Variants in NXN observed in about 807,000 individuals in gnomAD.
The protein encoded by NXN is nucleoredoxin 1.
NXN carries 16 observed loss-of-function variants against 48.6 expected under a neutral mutation model. The observed-to-expected ratio is 0.33, with a 90% CI of 0.22 to 0.50. NXN has a LOEUF of 0.50. Ranked by LOEUF, NXN falls within the 20% of genes least tolerant of loss-of-function variation. The pLI is 0.98. For missense variants in NXN, 492 were observed against 605.5 expected (o/e 0.81, Z 1.97); for synonymous variants, 281 against 269.6 (o/e 1.04, Z -0.41).
chr17:970,785 T>C (rs2069366627), intron 1 of NXN, among the ~76,000 whole-genome samples: 1 of 152,206 alleles, frequency 6.6e-6, no homozygotes, highest in African/African-American at 2.4e-5. Flanking sequence ...TCTCCAGCTC[T>C]AACATACTTG....
intron 1 of NXN, chr17:896,856 C>CCGGGGGCGGCG: frequency 8.6e-7 from 1 of 1,156,932 alleles, no homozygotes; most frequent in Non-Finnish European, 1.1e-6. Flanking sequence ...CGGTCCTGAC[C>CCGGGGGCGGCG]ACCCGCCCCC....
intron 1 of NXN, among the ~76,000 whole-genome samples, chr17:903,672 G>GCCCTTGGCAGTATTTTTT (rs2068557144): frequency 6.6e-6 from 1 of 152,076 alleles, no homozygotes; most frequent in African/African-American, 2.4e-5. Flanking sequence ...CGTGAGCCAG[G>GCCCTTGGCAGTATTTTTT]ACACCCAGCC....
intron 7 of NXN, among the ~76,000 whole-genome samples, chr17:802,432 G>A (rs142732635): frequency 2.0e-3 from 307 of 152,354 alleles, no homozygotes; most frequent in African/African-American, 6.8e-3. Context: ...CAGCCAGAGA[G>A]CCAGGAGCGA....
At chr17:808,468 A>T (rs1483176108) in intron 5 of NXN, among the ~76,000 whole-genome samples, 1 of 151,042 alleles carries the variant, frequency 6.6e-6, no homozygotes, top group African/African-American at 2.4e-5. Context: ...ACACCCAGAT[A>T]ATTTTTAGTA....
At chr17:863,954 T>C (rs2068067417) in intron 1 of NXN, 1 of 1,533,084 alleles carries the variant, frequency 6.5e-7, no homozygotes, top group Admixed American at 2.0e-5. Flanking sequence ...CAGCAATGCC[T>C]GGGAACTGAG....
At chr17:903,531 C>A (rs534779212) in intron 1 of NXN, among the ~76,000 whole-genome samples, 1 of 152,082 alleles carries the variant, frequency 6.6e-6, no homozygotes. Flanking sequence ...TACAGGCGTG[C>A]GCTACCACAC....
chr17:823,421 T>A (rs1346821740), intron 3 of NXN, among the ~76,000 whole-genome samples: 1 of 151,086 alleles, frequency 6.6e-6, no homozygotes, highest in Non-Finnish European at 1.5e-5. Context: ...AAGAGGGCTA[T>A]CGTTATAGAT....
intron 1 of NXN, among the ~76,000 whole-genome samples, chr17:940,268 C>G (rs1431987801): frequency 2.0e-5 from 3 of 151,644 alleles, no homozygotes; most frequent in African/African-American, 2.4e-5. Context: ...CTTTCTCCCC[C>G]TTTTTGTGGA....
At chr17:820,567 G>A (rs1157357260) in intron 4 of NXN, among the ~76,000 whole-genome samples, 14 of 116,336 alleles carry the variant, frequency 1.2e-4, no homozygotes, top group African/African-American at 2.9e-4. Context: ...AGCCGAGATC[G>A]TGCCACTGCA....
chr17:868,503 T>A (rs939338707), intron 1 of NXN, among the ~76,000 whole-genome samples: 3 of 152,146 alleles, frequency 2.0e-5, no homozygotes, highest in African/African-American at 7.2e-5. Context: ...TTTGTTTGTT[T>A]GTTTTTGAGA....
intron 5 of NXN, among the ~76,000 whole-genome samples, chr17:805,842 C>CAAAT (rs142481427): frequency 0.037 from 5,589 of 152,034 alleles, 325 homozygotes; most frequent in African/African-American, 0.13. Flanking sequence ...TGTCTCTAAA[C>CAAAT]AAATAAATAA....
chr17:939,192 A>G (rs1270763687), intron 1 of NXN, among the ~76,000 whole-genome samples: 2 of 152,210 alleles, frequency 1.3e-5, no homozygotes, highest in African/African-American at 2.4e-5. Flanking sequence ...GAAGAATATA[A>G]AAACAAGTTT....
chr17:936,599 C>T (rs900873608), intron 1 of NXN, among the ~76,000 whole-genome samples: 3 of 151,146 alleles, frequency 2.0e-5, no homozygotes, highest in Admixed American at 6.6e-5. Context: ...CGAGGTGTGT[C>T]GGCCTGCCTC....
At chr17:947,339 A>C (rs1463258315) in intron 1 of NXN, among the ~76,000 whole-genome samples, 3 of 152,190 alleles carry the variant, frequency 2.0e-5, no homozygotes, top group Non-Finnish European at 2.9e-5. Context: ...GGCAGACATA[A>C]TGGGGCTACA....
chr17:823,112 A>G (rs11504751), intron 3 of NXN, among the ~76,000 whole-genome samples: 11 of 123,778 alleles, frequency 8.9e-5, no homozygotes, highest in African/African-American at 6.5e-5. Flanking sequence ...AAAAAAAAAA[A>G]AGGGGGCCAG....
intron 1 of NXN, among the ~76,000 whole-genome samples, chr17:897,392 T>C (rs2068498038): frequency 6.6e-6 from 1 of 152,198 alleles, no homozygotes; most frequent in Admixed American, 6.5e-5. Flanking sequence ...GATCTCATGA[T>C]TAAGAGAAAC....
chr17:943,907 AGTT>A (rs1484734694), intron 1 of NXN, among the ~76,000 whole-genome samples: 1 of 151,956 alleles, frequency 6.6e-6, no homozygotes, highest in East Asian at 1.9e-4. Flanking sequence ...GTTTTTTAAA[AGTT>A]GTTTAACTCG....
At chr17:872,613 C>CTTTTTTT (rs34081114) in intron 1 of NXN, among the ~76,000 whole-genome samples, 11 of 75,420 alleles carry the variant, frequency 1.5e-4, no homozygotes, top group African/African-American at 2.7e-4. Flanking sequence ...CGGGTGAGAT[C>CTTTTTTT]TTTTTTTTTT....
At chr17:812,681 T>C (rs972484912) in intron 5 of NXN, among the ~76,000 whole-genome samples, 2 of 150,704 alleles carry the variant, frequency 1.3e-5, no homozygotes, top group African/African-American at 4.9e-5. Flanking sequence ...TGAGTGTAGG[T>C]GTGTGCACAT....
Sources: allele counts gnomAD v4.1 joint callset (sites outside exome capture counted in the v4.1 genomes callset), GRCh38; gene constraint gnomAD v4.1.1; transcripts MANE v1.5; gene names NCBI Gene and HGNC (gene_info 2026-07-23, HGNC 2026-07-21).